Variants in SLC44A3 observed in about 807,000 individuals in gnomAD.
SLC44A3 encodes solute carrier family 44 member 3, also known as choline transporter-like protein 3.
A neutral mutation model predicts 75.4 loss-of-function variants in SLC44A3; 74 were observed. The ratio of observed to expected loss-of-function variants is 0.98; its 90% CI spans 0.81 to 1.19. SLC44A3 has a LOEUF of 1.19. SLC44A3 is among the 50% of genes most tolerant of loss of function. The probability of loss-of-function intolerance (pLI) is 0.00; values close to 1 mark genes in which losing one functional copy is unlikely to be tolerated. For synonymous variants in SLC44A3, 310 were observed against 296.9 expected (o/e 1.04, Z -0.45); for missense variants, 700 against 778.6 (o/e 0.90, Z 1.20).
chr1:94,820,406 A>AGGC lies in SLC44A3; in HGVS notation c.-36_-34dup, dbSNP rs1332478048. 9.7e-6 allele frequency: 14 copies of AGGC among 1,439,022 alleles called. No individual in the cohort carries two copies. Among genetic ancestry groups the AGGC allele is most frequent in the Middle Eastern group, 2.5e-4 (1 of 4,076 alleles). The allele number at this position is 1,439,022 out of a possible 1,614,324, so 89.1% of individuals were successfully genotyped here. On this transcript the variant is annotated 5_prime_UTR_variant, in exon 1 of 15. Transcript: ENST00000271227. ...CGGGCGCTGCGTCTCCGCGTACAGG[A>AGGC]GGCGGCGGCGGCTCCCAGTCACCGG...
chr1:94,821,412 G>C (rs1660566014), intron 2 of SLC44A3, among the ~76,000 whole-genome samples: 1 of 152,100 alleles, frequency 6.6e-6, no homozygotes, highest in South Asian at 2.1e-4. Flanking sequence ...CAAGCTTTTG[G>C]TGCACCTTTA....
chr1:94,871,641 C>T (rs1667773856), intron 12 of SLC44A3, among the ~76,000 whole-genome samples: 1 of 152,204 alleles, frequency 6.6e-6, no homozygotes, highest in Non-Finnish European at 1.5e-5. Context: ...GTCAATGTTC[C>T]TCTAAGTATG....
chr1:94,891,978 G>A (rs1372782290), intron 13 of SLC44A3, among the ~76,000 whole-genome samples: 1 of 152,160 alleles, frequency 6.6e-6, no homozygotes, highest in Non-Finnish European at 1.5e-5. Flanking sequence ...GCTTATTTTG[G>A]TGTTAAGTGA....
intron 3 of SLC44A3, chr1:94,825,760 T>C (rs186197088): frequency 2.2e-6 from 1 of 449,756 alleles, no homozygotes; most frequent in East Asian, 7.0e-5. Flanking sequence ...TCCTCCTGAG[T>C]GTTGCTCCTA....
At chr1:94,822,636 A>G (rs1254960243) in intron 2 of SLC44A3, among the ~76,000 whole-genome samples, 2 of 152,200 alleles carry the variant, frequency 1.3e-5, no homozygotes, top group African/African-American at 2.4e-5. Context: ...TTGCAAATGC[A>G]GCACCAGCCT....
At chr1:94,828,665 C>A in intron 5 of SLC44A3, 79 bp downstream of exon 5, 2 of 1,291,162 alleles carry the variant, frequency 1.5e-6, no homozygotes, top group Non-Finnish European at 2.2e-6. Context: ...CTCTTCTAGG[C>A]ATTGTGGGAA....
chr1:94,851,895 A>G (rs1436837470), intron 9 of SLC44A3, among the ~76,000 whole-genome samples: 1 of 152,226 alleles, frequency 6.6e-6, no homozygotes, highest in Non-Finnish European at 1.5e-5. Flanking sequence ...TCCATAAGGA[A>G]CTGCCATCTA....
chr1:94,894,958 C>A lies in SLC44A3; in HGVS notation c.*36C>A. On this transcript the variant is annotated 3_prime_UTR_variant, in exon 15 of 15. Transcript: ENST00000271227. ...AGGTATCTGTACCTGGAAAACATTT[C>A]CTTCTAAGAGCCATTTACAGAATAG... is the stretch of plus-strand genomic sequence containing the variant. 6.5e-7 allele frequency: 1 copy of A among 1,528,596 alleles called. No individual in the cohort carries two copies. The highest frequency in any genetic ancestry group is 1.2e-5 in the South Asian group (1 of 84,748). 94.7% of individuals were successfully genotyped at this position (1,528,596 alleles called of 1,614,324 possible).
At chr1:94,842,234 A>G in intron 8 of SLC44A3, 110 bp downstream of exon 8, 3 of 1,432,356 alleles carry the variant, frequency 2.1e-6, no homozygotes, top group South Asian at 2.9e-5. Context: ...TTTGATTTAG[A>G]ATGTGCCTTC....
rs370330006 is a variant in SLC44A3 at position 94,888,023 on chromosome 1, T to C, written c.1483-3107T>C. On this transcript the variant is annotated intron_variant, in intron 12 of 14. Coordinates refer to ENST00000271227, the MANE Select transcript of SLC44A3 (RefSeq NM_001114106.3). ...ACCACTCTTTATTACACATTTTCTCTGTGCTTTACAGGGAGTAGGTTCTTT... is the reference window on the plus strand; with the variant it reads ...ACCACTCTTTATTACACATTTTCTCCGTGCTTTACAGGGAGTAGGTTCTTT... Among the ~76,000 whole-genome samples the C allele has an allele frequency of 1.1e-4, 17 of 152,344 alleles. 1 individual carries two copies. Among genetic ancestry groups the C allele is most frequent in the Admixed American group, 8.5e-4 (13 of 15,304 alleles).
chr1:94,889,901 A>G (rs1670020989), intron 12 of SLC44A3, among the ~76,000 whole-genome samples: 1 of 151,864 alleles, frequency 6.6e-6, no homozygotes, highest in South Asian at 2.1e-4. Context: ...CCCAGGCTGG[A>G]GTGCAATGGC....
chr1:94,861,820 C>T (rs1666612033), intron 10 of SLC44A3, among the ~76,000 whole-genome samples: 1 of 152,136 alleles, frequency 6.6e-6, no homozygotes, highest in African/African-American at 2.4e-5. Flanking sequence ...TTTTTACAAC[C>T]ATTTGCTTGA....
In SLC44A3 at chr1:94,895,201, AGTTT is replaced by A. The variant is rs1202485756; in HGVS notation, c.*282_*285del. 3.5e-6 allele frequency: 1 copy of A among 287,830 alleles called. No individual in the cohort carries two copies. The highest frequency in any genetic ancestry group is 2.1e-5 in the African/African-American group (1 of 46,632). The allele number at this position is 287,830 out of a possible 1,614,324, so 17.8% of individuals were successfully genotyped here. ...AGTACACTATGTAAGAACTGAGGTA[AGTTT>A]GTAAGTGCACAACTAATAAATAAAC... On this transcript the variant is annotated 3_prime_UTR_variant, in exon 15 of 15. Coordinates refer to ENST00000271227, the MANE Select transcript of SLC44A3 (RefSeq NM_001114106.3).
chr1:94,862,124 A>T (rs1267797241), intron 10 of SLC44A3, among the ~76,000 whole-genome samples: 19 of 152,216 alleles, frequency 1.2e-4, no homozygotes, highest in African/African-American at 4.3e-4. Context: ...TTTCTGTAGA[A>T]TAGGAAAGAA....
rs182030456 is a variant in SLC44A3, at chr1:94,828,427, A to G, written c.416-66A>G. 3.9e-4 allele frequency: 519 copies of G among 1,327,306 alleles called. 1 individual carries two copies. In the African/African-American group the frequency reaches 6.8e-3, roughly 17 times the overall value. The allele number at this position is 1,327,306 out of a possible 1,614,324, so 82.2% of individuals were successfully genotyped here. A position where few individuals can be genotyped will look rare whatever the true frequency, so the allele number is the denominator to read the frequency against. The stretch of plus-strand genomic sequence containing the variant: ...TCTTTCTCCTTTCTGGTTTGGTAAC[A>G]TGGCTGTGGTTTCCTTACTGACTCA... On this transcript the variant is annotated intron_variant, in intron 4 of 14. Transcript: ENST00000271227.
intron 11 of SLC44A3, 38 bp from the exon 12 acceptor site, chr1:94,867,293 G>T: frequency 6.7e-7 from 1 of 1,499,772 alleles, no homozygotes. Context: ...TTCCTGTGTT[G>T]TTTTTGACTC....
At chr1:94,886,120 C>T (rs965012159) in intron 12 of SLC44A3, among the ~76,000 whole-genome samples, 1 of 152,204 alleles carries the variant, frequency 6.6e-6, no homozygotes, top group Non-Finnish European at 1.5e-5. Context: ...TCGGTGTGCT[C>T]AATGGCTGCA....
At chr1:94,822,380 G>A (rs1248447917) in intron 2 of SLC44A3, among the ~76,000 whole-genome samples, 1 of 152,202 alleles carries the variant, frequency 6.6e-6, no homozygotes, top group Non-Finnish European at 1.5e-5. Flanking sequence ...TTCTCACTAT[G>A]GCATTCTGTT....
At chr1:94,883,489 G>C (rs859076) in intron 12 of SLC44A3, among the ~76,000 whole-genome samples, 119,948 of 152,024 alleles carry the variant, frequency 0.79, 47,454 homozygotes, top group South Asian at 0.87. Flanking sequence ...CTGGGTGTCA[G>C]AGTGAGACCC....
Sources: gnomAD v4.1 joint callset for allele counts (sites outside exome capture counted in the v4.1 genomes callset) on GRCh38, gnomAD v4.1.1 for gene constraint, MANE v1.5 for transcripts, NCBI Gene and HGNC (gene_info 2026-07-23, HGNC 2026-07-21) for gene names.